Variants in TTC6 observed in about 807,000 individuals in gnomAD.
The protein encoded by TTC6 is tetratricopeptide repeat protein 6.
Under a neutral mutation model 210.4 loss-of-function variants are expected in TTC6, and 172 were observed. That is an observed-to-expected ratio of 0.82 (90% confidence interval 0.72 to 0.93). TTC6 has a LOEUF of 0.93. TTC6 is among the 40% of genes least tolerant of loss of function. The pLI, the probability that TTC6 is intolerant of heterozygous loss-of-function variation, is 0.00. For synonymous variants in TTC6, 804 were observed against 819.6 expected, an observed-to-expected ratio of 0.98 and a Z score of 0.32; for missense variants, 2,414 against 2,318.1, an observed-to-expected ratio of 1.04 and a Z score of -0.85.
chr14:37,688,562 C>T (rs2095798039), intron 3 of TTC6, among the ~76,000 whole-genome samples: 2 of 152,076 alleles, frequency 1.3e-5, no homozygotes, highest in Non-Finnish European at 2.9e-5. Flanking sequence ...TTGTGTCACT[C>T]CATCCCCAGC....
chr14:37,691,278 C>T (rs1217408421), intron 3 of TTC6, among the ~76,000 whole-genome samples: 1 of 151,996 alleles, frequency 6.6e-6, no homozygotes, highest in East Asian at 1.9e-4. Context: ...TGCGGTGAGC[C>T]GAGATTGTGC....
chr14:37,823,636 T>A, intron 26 of TTC6, 111 bp from the exon 29 acceptor site: 1 of 958,852 alleles, frequency 1.0e-6, no homozygotes, highest in Non-Finnish European at 1.5e-6. Context: ...GGAGATTTTT[T>A]AATGAGTCAA....
Position 37,742,199 on chromosome 14 carries a change from G to T in TTC6, c.2363+3044G>T, listed in dbSNP as rs193133353. ...CCTATCCCTCTGAATGCATCTTCTT[G>T]TGCCCCTTTCTAGAATAATTGTCCT... On this transcript the variant is annotated intron_variant, in intron 10 of 30. Transcript: ENST00000553443. 2.0e-5 allele frequency among the ~76,000 whole-genome samples: 3 copies of T among 152,198 alleles called. No individual in the cohort carries two copies. In the East Asian group the frequency reaches 5.8e-4, roughly 30 times the overall value.
chr14:37,608,326 T>A (rs2095628823), intron 2 of TTC6, among the ~76,000 whole-genome samples: 1 of 152,118 alleles, frequency 6.6e-6, no homozygotes, highest in Admixed American at 6.6e-5. Flanking sequence ...TTGTTGTTTT[T>A]TGAGACAGGA....
chr14:37,722,831 T>C (rs941778947), intron 6 of TTC6, among the ~76,000 whole-genome samples: 18 of 152,122 alleles, frequency 1.2e-4, no homozygotes, highest in African/African-American at 3.6e-4. Context: ...TTTTCCCCTT[T>C]CCATATTATT....
chr14:37,670,472 C>T (rs1246474744), intron 1 of TTC6, among the ~76,000 whole-genome samples: 2 of 111,664 alleles, frequency 1.8e-5, no homozygotes, highest in South Asian at 3.4e-4. Flanking sequence ...CAAACTACCT[C>T]ACTTTTTTTT....
chr14:37,632,721 C>T (rs374243172), intron 1 of TTC6, among the ~76,000 whole-genome samples: 7 of 152,188 alleles, frequency 4.6e-5, no homozygotes, highest in Admixed American at 1.3e-4. Flanking sequence ...CACCCCCAGC[C>T]GCCCCTTCCA....
exon 15 of TTC6, chr14:37,787,605 C>G: frequency 6.6e-7 from 1 of 1,521,232 alleles, no homozygotes; most frequent in Non-Finnish European, 8.8e-7. Context: ...AAGAGTAACC[C>G]TTTTAGAGCG....
chr14:37,794,085 T>A (rs1215997388), intron 17 of TTC6, among the ~76,000 whole-genome samples: 1 of 152,184 alleles, frequency 6.6e-6, no homozygotes, highest in African/African-American at 2.4e-5. Flanking sequence ...TTGTGAGATC[T>A]GCGAATGAGC....
intron 14 of TTC6, among the ~76,000 whole-genome samples, chr14:37,769,411 G>A (rs1437453257): frequency 3.3e-4 from 50 of 152,074 alleles, no homozygotes; most frequent in Admixed American, 5.2e-4. Context: ...GGTAGAATTC[G>A]GCTGTGAATC....
intron 1 of TTC6, among the ~76,000 whole-genome samples, chr14:37,651,222 C>T (rs72674266): frequency 0.011 from 1,731 of 151,048 alleles, 15 homozygotes; most frequent in Non-Finnish European, 0.017. Flanking sequence ...CCCTCTCTGC[C>T]CCTCCCTTCC....
chr14:37,753,949 A>G (rs1396460549), intron 14 of TTC6, among the ~76,000 whole-genome samples: 1 of 151,882 alleles, frequency 6.6e-6, no homozygotes, highest in Non-Finnish European at 1.5e-5. Flanking sequence ...TCATTTGTAC[A>G]TAGCATAGTT....
At chr14:37,750,711 C>A (rs1364025500) in intron 12 of TTC6, among the ~76,000 whole-genome samples, 1 of 151,830 alleles carries the variant, frequency 6.6e-6, no homozygotes, top group Non-Finnish European at 1.5e-5. Context: ...ACATGGTGAA[C>A]CCCTGTGTCT....
chr14:37,599,600 G>T (rs2095611481), intron 1 of TTC6, among the ~76,000 whole-genome samples: 1 of 152,188 alleles, frequency 6.6e-6, no homozygotes. Flanking sequence ...CCCGCAGCCG[G>T]ATGTCGGAGC....
chr14:37,811,210 G>C (rs996624248), intron 24 of TTC6, among the ~76,000 whole-genome samples: 11 of 152,108 alleles, frequency 7.2e-5, no homozygotes, highest in Admixed American at 2.0e-4. Context: ...GATCTCGAAG[G>C]CATCATACTG....
At position 37,668,503 on chromosome 14, in the gene TTC6, G is replaced by A. The variant is rs999261928; in HGVS notation, c.940-11648G>A. 2.8e-5 allele frequency among the ~76,000 whole-genome samples: 4 copies of A among 141,910 alleles called. 1 individual carries two copies. The highest frequency in any genetic ancestry group is 6.5e-5 in the Non-Finnish European group (4 of 61,110). 93.1% of individuals were successfully genotyped at this position (141,910 alleles called of 152,430 possible). A position where few individuals can be genotyped will look rare whatever the true frequency, so the allele number is the denominator to read the frequency against. On this transcript the variant is annotated intron_variant, in intron 1 of 30. Transcript: ENST00000553443. ...TGGAACTAGTGGATTGACTAGGCAT[G>A]CACTTCTCATAGTAACAGAAGAAGT...
chr14:37,659,810 C>T (rs977669531), intron 1 of TTC6, among the ~76,000 whole-genome samples: 12 of 152,132 alleles, frequency 7.9e-5, no homozygotes, highest in Non-Finnish European at 1.3e-4. Flanking sequence ...TGTGACCCAC[C>T]GCGCTTGGCC....
intron 7 of TTC6, among the ~76,000 whole-genome samples, chr14:37,725,298 ATGTGTG>A (rs61712288): frequency 3.3e-4 from 21 of 64,212 alleles, no homozygotes; most frequent in Middle Eastern, 9.1e-3. Flanking sequence ...ATATGTATGT[ATGTGTG>A]TGTGTGTGTA....
chr14:37,733,578 G>A (rs1292411968), intron 7 of TTC6, among the ~76,000 whole-genome samples: 1 of 152,140 alleles, frequency 6.6e-6, no homozygotes. Context: ...TGAGAAGTAA[G>A]TCTTAAATGT....
Sources: allele counts gnomAD v4.1 joint callset (sites outside exome capture counted in the v4.1 genomes callset), GRCh38; gene constraint gnomAD v4.1.1; transcripts MANE v1.5; gene names NCBI Gene and HGNC (gene_info 2026-07-23, HGNC 2026-07-21).